The following HTRA1 variants were observed in gnomAD, a reference collection of about 807,000 sequenced individuals.
The protein encoded by HTRA1 is serine protease HTRA1.
Under a neutral mutation model 49.7 loss-of-function variants are expected in HTRA1, and 26 were observed. The ratio of observed to expected loss-of-function variants is 0.52; its 90% CI spans 0.38 to 0.73. The LOEUF is 0.73. Ranked by LOEUF, HTRA1 falls within the 30% of genes least tolerant of loss-of-function variation. The probability of loss-of-function intolerance (pLI) is 0.00; values close to 1 mark genes in which losing one functional copy is unlikely to be tolerated. For synonymous variants in HTRA1, 291 were observed against 286.9 expected (o/e 1.01, Z -0.14); for missense variants, 561 against 667.2 (o/e 0.84, Z 1.75).
Position 122,462,093 on chromosome 10 carries a change from C to T in HTRA1, c.441C>T (p.Val147=). 6.5e-7 allele frequency: 1 copy of T among 1,534,018 alleles called. No individual in the cohort carries two copies. Among genetic ancestry groups the T allele is most frequent in the Non-Finnish European group, 8.7e-7 (1 of 1,146,330 alleles). Residue 147 remains valine (V), a synonymous_variant, in exon 1 of 9, where the codon GTC becomes GTT. Coordinates refer to ENST00000368984, the MANE Select transcript of HTRA1 (RefSeq NM_002775.5). ...CCGAGAGGCTGCACCGGCCGCCGGT[C>T]ATCGTCCTGCAGCGCGGAGCCTGCG... ...RRSERLHRPP[V]IVLQRGACGQ...
chr10:122,502,535 A>G (rs182353566), intron 3 of HTRA1, among the ~76,000 whole-genome samples: 20 of 152,282 alleles, frequency 1.3e-4, no homozygotes, highest in African/African-American at 4.8e-4. Flanking sequence ...CGTCTAGGAC[A>G]TTAGAGGATT....
Position 122,513,842 on chromosome 10 carries a change from C to T in HTRA1, c.1275-349C>T, listed in dbSNP as rs185401600. Among the ~76,000 whole-genome samples the T allele has an allele frequency of 5.3e-3, 804 of 151,886 alleles. 17 individuals carry two copies. Among genetic ancestry groups the T allele is most frequent in the Admixed American group, 7.7e-3 (117 of 15,262 alleles). On this transcript the variant is annotated intron_variant, in intron 8 of 8. Coordinates refer to ENST00000368984, the MANE Select transcript of HTRA1 (RefSeq NM_002775.5). ...CTCCTGGGTTCAAGTGAATCTCTTG[C>T]CTCAGCCTCTGAGTAGCTGGGATTA...
intron 3 of HTRA1, among the ~76,000 whole-genome samples, chr10:122,499,016 G>A (rs1168329082): frequency 6.6e-6 from 1 of 152,072 alleles, no homozygotes; most frequent in Non-Finnish European, 1.5e-5. Context: ...TCCAGCTTGG[G>A]CACCGCTTAA....
intron 6 of HTRA1, among the ~76,000 whole-genome samples, chr10:122,509,437 G>A (rs1433125664): frequency 6.6e-6 from 1 of 152,178 alleles, no homozygotes; most frequent in Non-Finnish European, 1.5e-5. Context: ...GATGTGGGGG[G>A]AACACTCCAG....
At chr10:122,468,016 T>C (rs988662734) in intron 1 of HTRA1, among the ~76,000 whole-genome samples, 12 of 152,200 alleles carry the variant, frequency 7.9e-5, no homozygotes, top group African/African-American at 2.9e-4. Context: ...AGTTCAGTTT[T>C]TGGAGTCAGT....
At position 122,461,570 on chromosome 10, in the gene HTRA1, C is replaced by G. The variant is rs767974242; in HGVS notation, c.-83C>G. 7.3e-6 allele frequency: 6 copies of G among 824,236 alleles called. No individual in the cohort carries two copies. The highest frequency in any genetic ancestry group is 3.4e-5 in the Admixed American group (1 of 29,150). The allele number at this position is 824,236 out of a possible 1,614,324, so 51.1% of individuals were successfully genotyped here. ...CCGCGCGCACTCGCACCCGCTGCCC[C>G]CGAGGCCCTCCTGCACTCTCCCCGG... On this transcript the variant is annotated 5_prime_UTR_variant, in exon 1 of 9. Transcript: ENST00000368984.
intron 3 of HTRA1, among the ~76,000 whole-genome samples, chr10:122,496,085 A>G (rs1035973830): frequency 2.0e-5 from 3 of 152,166 alleles, no homozygotes; most frequent in Non-Finnish European, 2.9e-5. Flanking sequence ...GCAGGCAATT[A>G]ACACCTTGTC....
At chr10:122,492,583 C>T (rs1343815294) in intron 3 of HTRA1, among the ~76,000 whole-genome samples, 1 of 152,206 alleles carries the variant, frequency 6.6e-6, no homozygotes, top group Non-Finnish European at 1.5e-5. Context: ...ATCCACCTGC[C>T]TCAGCCTCCC....
At chr10:122,501,520 G>C (rs1397206501) in intron 3 of HTRA1, among the ~76,000 whole-genome samples, 1 of 152,122 alleles carries the variant, frequency 6.6e-6, no homozygotes, top group Non-Finnish European at 1.5e-5. Flanking sequence ...ACTCATGGTT[G>C]CCCACCCTCC....
At chr10:122,463,392 C>T (rs1363762184) in intron 1 of HTRA1, among the ~76,000 whole-genome samples, 1 of 152,206 alleles carries the variant, frequency 6.6e-6, no homozygotes, top group East Asian at 1.9e-4. Context: ...CCTGCAGACT[C>T]GAGAAGGGGC....
intron 1 of HTRA1, among the ~76,000 whole-genome samples, chr10:122,472,568 A>G (rs2097486633): frequency 6.6e-6 from 1 of 151,818 alleles, no homozygotes; most frequent in African/African-American, 2.4e-5. Context: ...GCTACCTTTT[A>G]TATTTTTAAG....
At chr10:122,514,098 T>C in intron 8 of HTRA1, 93 bp from the exon 9 acceptor site, 1 of 1,277,140 alleles carries the variant, frequency 7.8e-7, no homozygotes, top group Non-Finnish European at 1.1e-6. Context: ...CTCTGGGCTT[T>C]TAGGTTCTAA....
chr10:122,467,911 T>C (rs2097484418), intron 1 of HTRA1, among the ~76,000 whole-genome samples: 1 of 152,092 alleles, frequency 6.6e-6, no homozygotes, highest in Non-Finnish European at 1.5e-5. Flanking sequence ...GACGTGTGCC[T>C]AGAACCACAG....
intron 1 of HTRA1, among the ~76,000 whole-genome samples, chr10:122,477,530 G>T (rs897530223): frequency 1.1e-4 from 16 of 152,200 alleles, no homozygotes; most frequent in African/African-American, 3.9e-4. Flanking sequence ...GTGTGTCCCA[G>T]ACTTCACTGA....
At chr10:122,502,021 T>C (rs2097501126) in intron 3 of HTRA1, among the ~76,000 whole-genome samples, 1 of 121,714 alleles carries the variant, frequency 8.2e-6, no homozygotes, top group African/African-American at 3.2e-5. Flanking sequence ...AACACCCTAA[T>C]TGATACACAC....
chr10:122,492,774 G>GT (rs2097496561), intron 3 of HTRA1, among the ~76,000 whole-genome samples: 1 of 152,160 alleles, frequency 6.6e-6, no homozygotes, highest in African/African-American at 2.4e-5. Flanking sequence ...GACAGCGTAG[G>GT]TGGGACCATC....
chr10:122,489,718 TC>T, intron 3 of HTRA1, 92 bp downstream of exon 3: 2 of 1,224,446 alleles, frequency 1.6e-6, no homozygotes, highest in Non-Finnish European at 2.3e-6. Flanking sequence ...CAGCTGATTC[TC>T]GGGGGGCACT....
At chr10:122,512,208 C>T in intron 8 of HTRA1, 143 bp downstream of exon 8, 3 of 741,204 alleles carry the variant, frequency 4.0e-6, no homozygotes, top group Non-Finnish European at 7.1e-6. Context: ...GCTTGTCATT[C>T]CTGCTGGCCA....
At chr10:122,462,552 A>G (rs1454745091) in intron 1 of HTRA1, among the ~76,000 whole-genome samples, 2 of 152,228 alleles carry the variant, frequency 1.3e-5, no homozygotes, top group East Asian at 3.8e-4. Flanking sequence ...TTTTTCTTCT[A>G]TTTACGTCCT....
Sources: allele counts gnomAD v4.1 joint callset (sites outside exome capture counted in the v4.1 genomes callset), GRCh38; gene constraint gnomAD v4.1.1; transcripts MANE v1.5; gene names NCBI Gene and HGNC (gene_info 2026-07-23, HGNC 2026-07-21).